Variants in GLT1D1 observed in about 807,000 individuals in gnomAD.
GLT1D1 encodes glycosyltransferase 1 domain containing 1.
In GLT1D1, 21 loss-of-function variants were observed where a neutral mutation model predicts 28.7. The ratio of observed to expected loss-of-function variants is 0.73; its 90% CI spans 0.52 to 1.05. The LOEUF (loss-of-function observed/expected upper bound fraction) is 1.05, where lower values mean the gene tolerates loss of function less well. GLT1D1 is among the 50% of genes least tolerant of loss of function. The pLI, the probability that GLT1D1 is intolerant of heterozygous loss-of-function variation, is 0.00. For synonymous variants in GLT1D1, 147 were observed against 124.8 expected (o/e 1.18, Z -1.19); for missense variants, 343 against 330.6 (o/e 1.04, Z -0.29).
chr12:128,934,198 C>CTTTTT (rs1228657723), intron 4 of GLT1D1, among the ~76,000 whole-genome samples: 3 of 73,426 alleles, frequency 4.1e-5, no homozygotes, highest in Admixed American at 1.8e-4. Flanking sequence ...AAGAGACAGT[C>CTTTTT]TTTTTTTTTT....
At chr12:128,973,302 CCTCCCCAGTAG>C (rs1358483468) in intron 7 of GLT1D1, among the ~76,000 whole-genome samples, 1 of 148,134 alleles carries the variant, frequency 6.8e-6, no homozygotes, top group African/African-American at 2.5e-5. Flanking sequence ...CCTGCCTCAG[CCTCCCCAGTAG>C]CTGGGATTAC....
At chr12:128,916,421 T>C (rs1872117221) in intron 4 of GLT1D1, among the ~76,000 whole-genome samples, 1 of 152,200 alleles carries the variant, frequency 6.6e-6, no homozygotes, top group Non-Finnish European at 1.5e-5. Context: ...ATTAACATTA[T>C]AAAAAATATC....
intron 4 of GLT1D1, among the ~76,000 whole-genome samples, chr12:128,932,607 T>C (rs909122893): frequency 1.3e-5 from 2 of 152,186 alleles, no homozygotes. Context: ...GGTTATGGAT[T>C]TGTTGTTTCA....
At chr12:128,949,879 C>T (rs766534204) in intron 6 of GLT1D1, among the ~76,000 whole-genome samples, 3 of 152,160 alleles carry the variant, frequency 2.0e-5, no homozygotes, top group Non-Finnish European at 4.4e-5. Flanking sequence ...CACACACGCT[C>T]TGCCTGAGAG....
At chr12:128,865,873 A>C (rs185584001) in intron 1 of GLT1D1, among the ~76,000 whole-genome samples, 1 of 152,198 alleles carries the variant, frequency 6.6e-6, no homozygotes, top group South Asian at 2.1e-4. Context: ...AAACCCCCCC[A>C]AAACCCCAAA....
At chr12:128,939,247 G>C (rs1874874229) in intron 4 of GLT1D1, among the ~76,000 whole-genome samples, 1 of 152,040 alleles carries the variant, frequency 6.6e-6, no homozygotes, top group South Asian at 2.1e-4. Flanking sequence ...CTTAATCTCA[G>C]ATGTGTACTT....
chr12:128,855,130 C>A (rs190694087), intron 1 of GLT1D1, among the ~76,000 whole-genome samples: 1 of 148,216 alleles, frequency 6.7e-6, no homozygotes, highest in Admixed American at 6.8e-5. Context: ...GCAGGAGAAT[C>A]GCTTGAACCT....
intron 6 of GLT1D1, among the ~76,000 whole-genome samples, chr12:128,954,165 C>A (rs1414140288): frequency 6.6e-6 from 1 of 151,050 alleles, no homozygotes. Flanking sequence ...ACTCTGTCGC[C>A]CAGGCTGGAG....
intron 1 of GLT1D1, among the ~76,000 whole-genome samples, chr12:128,874,116 CT>C (rs1956798133): frequency 3.4e-5 from 2 of 59,526 alleles, no homozygotes; most frequent in African/African-American, 1.7e-4. Context: ...CTCTCTCTCT[CT>C]CTCTCTCTCT....
At chr12:128,979,762 A>G (rs1880138590) in intron 7 of GLT1D1, among the ~76,000 whole-genome samples, 2 of 152,038 alleles carry the variant, frequency 1.3e-5, no homozygotes, top group African/African-American at 4.8e-5. Context: ...CAAAAAAAAA[A>G]AGATGAGAAA....
chr12:128,946,796 G>A (rs141374659), intron 5 of GLT1D1, among the ~76,000 whole-genome samples: 3,700 of 151,640 alleles, frequency 0.024, 68 homozygotes, highest in Middle Eastern at 0.082. Flanking sequence ...TTACAGGTGC[G>A]CACCACCACG....
At chr12:128,934,196 GTC>G (rs34088806) in intron 4 of GLT1D1, among the ~76,000 whole-genome samples, 29,351 of 128,146 alleles carry the variant, frequency 0.23, 4,033 homozygotes, top group Admixed American at 0.32. Flanking sequence ...CAAAGAGACA[GTC>G]TTTTTTTTTT....
chr12:128,878,900 C>A (rs1435239606), intron 2 of GLT1D1, among the ~76,000 whole-genome samples: 1 of 152,200 alleles, frequency 6.6e-6, no homozygotes, highest in African/African-American at 2.4e-5. Flanking sequence ...AAGGCATGAG[C>A]CACTGCACCC....
intron 7 of GLT1D1, among the ~76,000 whole-genome samples, chr12:128,974,303 T>C (rs10847728): frequency 0.31 from 47,115 of 151,870 alleles, 8,950 homozygotes; most frequent in Non-Finnish European, 0.44. Context: ...GGCTCACAGA[T>C]GGCAAGGGCT....
chr12:128,932,442 G>A (rs1262360324), intron 4 of GLT1D1, among the ~76,000 whole-genome samples: 1 of 152,228 alleles, frequency 6.6e-6, no homozygotes, highest in Non-Finnish European at 1.5e-5. Flanking sequence ...CGGCCCTGCA[G>A]CAGAGTGTCC....
intron 7 of GLT1D1, among the ~76,000 whole-genome samples, chr12:128,970,445 C>T (rs981876782): frequency 6.6e-6 from 1 of 152,228 alleles, no homozygotes; most frequent in Non-Finnish European, 1.5e-5. Flanking sequence ...GCTGTTCCAG[C>T]AGCCTCCTCC....
intron 1 of GLT1D1, among the ~76,000 whole-genome samples, chr12:128,864,595 A>G (rs1490163502): frequency 6.6e-6 from 1 of 152,188 alleles, no homozygotes; most frequent in Non-Finnish European, 1.5e-5. Flanking sequence ...CCACACTTTC[A>G]TTTCCAGAAG....
chr12:128,983,027 G>A lies in GLT1D1; in HGVS notation c.738G>A (p.Trp246Ter). Residue 246 changes from tryptophan (W) to a stop codon, truncating the protein, a stop_gained, in exon 8 of 8, where the codon TGG (tryptophan) becomes TGA (stop). Transcript: ENST00000281703. LOFTEE classifies it low-confidence loss of function (END_TRUNC). The surrounding 1 kb of genome is among the most constrained non-coding windows in gnomAD (Gnocchi z 4.7). ...AATACGTGAGAATGTATCATTCATG[G>A]CAGGTGGAAAGAGACACCTACCAAC... 6.2e-7 allele frequency: 1 copy of A among 1,614,116 alleles called. No individual in the cohort carries two copies. Among genetic ancestry groups the A allele is most frequent in the Non-Finnish European group, 8.5e-7 (1 of 1,179,988 alleles).
chr12:128,902,802 G>T (rs1459569654), intron 4 of GLT1D1, among the ~76,000 whole-genome samples: 1 of 151,500 alleles, frequency 6.6e-6, no homozygotes, highest in Non-Finnish European at 1.5e-5. Context: ...CAGCACTTTG[G>T]GAGGCTGAGG....
Sources: gnomAD v4.1 joint callset for allele counts (sites outside exome capture counted in the v4.1 genomes callset) on GRCh38, gnomAD v4.1.1 for gene constraint, Gnocchi (gnomAD v3.1) non-coding constraint, MANE v1.5 for transcripts, NCBI Gene and HGNC (gene_info 2026-07-23, HGNC 2026-07-21) for gene names.